Variants in LMO1 observed in about 807,000 individuals in gnomAD.
The protein encoded by LMO1 is LIM domain only 1.
A neutral mutation model predicts 18.0 loss-of-function variants in LMO1; 10 were observed. The observed-to-expected ratio is 0.55, with a 90% CI of 0.34 to 0.94. LMO1 has a LOEUF of 0.94. Among genes scored for constraint, LMO1 ranks in the 40% least tolerant of loss-of-function variants. The probability of loss-of-function intolerance (pLI) is 0.02; values close to 1 mark genes in which losing one functional copy is unlikely to be tolerated. For synonymous variants in LMO1, 77 were observed against 77.9 expected (o/e 0.99, Z 0.06); for missense variants, 183 against 205.7 (o/e 0.89, Z 0.68).
intron 1 of LMO1, among the ~76,000 whole-genome samples, chr11:8,241,678 CT>C (rs1362898320): frequency 6.6e-6 from 1 of 151,926 alleles, no homozygotes; most frequent in Non-Finnish European, 1.5e-5. Flanking sequence ...TCAGAGAAGC[CT>C]TTCTTGACCT....
chr11:8,226,725 T>TC (rs1952549246), intron 3 of LMO1: 1 of 548,466 alleles, frequency 1.8e-6, no homozygotes, highest in African/African-American at 1.9e-5. Flanking sequence ...ATGCACGCCT[T>TC]CATTATATTC....
intron 1 of LMO1, among the ~76,000 whole-genome samples, chr11:8,234,122 C>A (rs1262366259): frequency 6.6e-6 from 1 of 152,124 alleles, no homozygotes; most frequent in Non-Finnish European, 1.5e-5. Flanking sequence ...GTGGGGGGAA[C>A]AACATTGGAG....
chr11:8,229,387 C>T (rs775936191), intron 2 of LMO1, among the ~76,000 whole-genome samples: 3 of 152,192 alleles, frequency 2.0e-5, no homozygotes, highest in Non-Finnish European at 1.5e-5. Context: ...ATGCCCAGAC[C>T]TGGGCAGAGG....
chr11:8,224,795 CGG>C, intron 3 of LMO1, 74 bp from the exon 4 acceptor site: 1 of 976,754 alleles, frequency 1.0e-6, no homozygotes, highest in Non-Finnish European at 1.6e-6. Context: ...AGACAGAAGC[CGG>C]CCTGGCCTAT....
At chr11:8,244,414 T>C (rs998545249) in intron 1 of LMO1, among the ~76,000 whole-genome samples, 1 of 152,284 alleles carries the variant, frequency 6.6e-6, no homozygotes, top group Non-Finnish European at 1.5e-5. Context: ...GATCAATTTG[T>C]TCACGATAGA....
chr11:8,245,189 C>G (rs1336071167), intron 1 of LMO1, among the ~76,000 whole-genome samples: 1 of 152,132 alleles, frequency 6.6e-6, no homozygotes, highest in African/African-American at 2.4e-5. Flanking sequence ...TTGTAGCATC[C>G]TTTGCCCTCC....
intron 3 of LMO1, among the ~76,000 whole-genome samples, chr11:8,225,718 T>A (rs1197089939): frequency 6.6e-6 from 1 of 152,130 alleles, no homozygotes; most frequent in Non-Finnish European, 1.5e-5. Context: ...GACCCCAAGA[T>A]CGCTGGCCTA....
chr11:8,262,049 T>C (rs553493228), intron 1 of LMO1, among the ~76,000 whole-genome samples: 65 of 152,228 alleles, frequency 4.3e-4, no homozygotes, highest in African/African-American at 1.5e-3. Context: ...CATCGGCACC[T>C]GGCAGCGGCA....
At chr11:8,253,226 G>C (rs758948574) in intron 1 of LMO1, among the ~76,000 whole-genome samples, 9 of 152,198 alleles carry the variant, frequency 5.9e-5, no homozygotes, top group Non-Finnish European at 8.8e-5. Context: ...TTTCCAAAGA[G>C]CAATCCTCCC....
At chr11:8,262,524 G>T (rs916087043) in intron 1 of LMO1, among the ~76,000 whole-genome samples, 6 of 152,210 alleles carry the variant, frequency 3.9e-5, no homozygotes, top group African/African-American at 1.4e-4. Flanking sequence ...CCACCTGCTA[G>T]TGGCTTCCAG....
chr11:8,264,988 T>G (rs528218327), upstream of LMO1, among the ~76,000 whole-genome samples: 5 of 152,288 alleles, frequency 3.3e-5, no homozygotes, highest in East Asian at 9.6e-4. Context: ...CAGTACAGAG[T>G]TCCAAGGTGG....
At chr11:8,224,789 A>G in intron 3 of LMO1, 68 bp from the exon 4 acceptor site, 1 of 1,019,008 alleles carries the variant, frequency 9.8e-7, no homozygotes, top group Non-Finnish European at 1.5e-6. Context: ...GGCTGCAGAC[A>G]GAAGCCGGCC....
At chr11:8,241,258 C>T (rs549027656) in intron 1 of LMO1, among the ~76,000 whole-genome samples, 19 of 152,196 alleles carry the variant, frequency 1.2e-4, no homozygotes, top group Non-Finnish European at 2.2e-4. Context: ...CCTTTCCCTG[C>T]CAACTCTTGC....
intron 1 of LMO1, among the ~76,000 whole-genome samples, chr11:8,244,984 C>A (rs1437702359): frequency 1.3e-5 from 2 of 152,256 alleles, no homozygotes; most frequent in Non-Finnish European, 2.9e-5. Context: ...CACCCCTCCT[C>A]GTGTGCCCTA....
intron 1 of LMO1, among the ~76,000 whole-genome samples, chr11:8,241,487 C>A (rs1048428947): frequency 6.6e-6 from 1 of 152,238 alleles, no homozygotes; most frequent in African/African-American, 2.4e-5. Context: ...CCTGTAACAT[C>A]TTCATGTGGT....
chr11:8,229,421 G>A (rs1032132099), intron 2 of LMO1, among the ~76,000 whole-genome samples: 7 of 152,156 alleles, frequency 4.6e-5, no homozygotes, highest in African/African-American at 1.4e-4. Context: ...CCCTTGCCCC[G>A]ACCTGTTAAT....
chr11:8,229,666 TCA>T (rs936816028), intron 2 of LMO1, among the ~76,000 whole-genome samples: 2 of 152,308 alleles, frequency 1.3e-5, no homozygotes, highest in African/African-American at 4.8e-5. Flanking sequence ...CAGGGAAGCA[TCA>T]TTCTTTCACC....
In LMO1 at chr11:8,230,521, A is replaced by G; in HGVS notation, c.26-17T>C. On this transcript the variant is annotated splice_polypyrimidine_tract_variant and intron_variant, in intron 1 of 3. Transcript: ENST00000335790. ...TCGGCACGCCTGCAGACGGACAGAC[A>G]GACAGCAACGCAGGATGGGCCCCGT... 6.2e-7 allele frequency: 1 copy of G among 1,607,790 alleles called. No homozygotes were observed. Among genetic ancestry groups the G allele is most frequent in the Non-Finnish European group, 8.5e-7 (1 of 1,179,394 alleles).
intron 1 of LMO1, among the ~76,000 whole-genome samples, chr11:8,260,119 A>C (rs1847161485): frequency 1.3e-5 from 2 of 152,058 alleles, no homozygotes; most frequent in South Asian, 4.2e-4. Context: ...TCCCCCACAG[A>C]CCAAAGCTCT....
Sources: allele counts gnomAD v4.1 joint callset (sites outside exome capture counted in the v4.1 genomes callset), GRCh38; gene constraint gnomAD v4.1.1; transcripts MANE v1.5; gene names NCBI Gene and HGNC (gene_info 2026-07-23, HGNC 2026-07-21).